Variants in EDIL3 observed in about 807,000 individuals in gnomAD.
The protein encoded by EDIL3 is EGF like and discoidin domains 3, also known as EGF-like repeat and discoidin I-like domain-containing protein 3.
Under a neutral mutation model 67.4 loss-of-function variants are expected in EDIL3, and 37 were observed. That is an observed-to-expected ratio of 0.55 (90% confidence interval 0.42 to 0.72). The LOEUF (loss-of-function observed/expected upper bound fraction) is 0.72, where lower values mean the gene tolerates loss of function less well. Among genes scored for constraint, EDIL3 ranks in the 30% least tolerant of loss-of-function variants. The pLI is 0.00. For synonymous variants in EDIL3, 195 were observed against 196.3 expected (o/e 0.99, Z 0.05); for missense variants, 527 against 586.3 (o/e 0.90, Z 1.04).
At chr5:84,350,553 C>T (rs997587811) in intron 1 of EDIL3, among the ~76,000 whole-genome samples, 4 of 151,726 alleles carry the variant, frequency 2.6e-5, no homozygotes, top group African/African-American at 4.8e-5. Context: ...TTTGATGATC[C>T]ACAGAGATGA....
intron 3 of EDIL3, among the ~76,000 whole-genome samples, chr5:84,217,721 A>ACACACAC (rs1744257318): frequency 8.1e-5 from 11 of 135,014 alleles, no homozygotes; most frequent in South Asian, 2.5e-4. Context: ...TATACACACA[A>ACACACAC]ACACACACAC....
At position 84,118,667 on chromosome 5, in the gene EDIL3, C is replaced by T. The variant is rs115453011; in HGVS notation, c.470-11837G>A. Among the ~76,000 whole-genome samples, 1,275 of 152,202 alleles carry T rather than the reference C, an allele frequency of 8.4e-3. 11 individuals are homozygous for T. Among genetic ancestry groups the T allele is most frequent in the African/African-American group, 0.019 (781 of 41,526 alleles). Reference sequence around the variant, plus strand: ...CTTCATGGAAGCATTTCAGTTGTGACGCCAGAAAGTTTAGAGTTGGAATTT... The same window carrying T: ...CTTCATGGAAGCATTTCAGTTGTGATGCCAGAAAGTTTAGAGTTGGAATTT... On this transcript the variant is annotated intron_variant, in intron 5 of 10. Coordinates refer to ENST00000296591, the MANE Select transcript of EDIL3 (RefSeq NM_005711.5).
intron 2 of EDIL3, among the ~76,000 whole-genome samples, chr5:84,234,311 T>C (rs567814406): frequency 6.6e-6 from 1 of 152,302 alleles, no homozygotes; most frequent in African/African-American, 2.4e-5. Flanking sequence ...CATGTTCCCA[T>C]GTTCCTGAAG....
chr5:84,355,997 G>A (rs1408295748), intron 1 of EDIL3, among the ~76,000 whole-genome samples: 1 of 149,756 alleles, frequency 6.7e-6, no homozygotes, highest in East Asian at 2.0e-4. Context: ...TGAATATATG[G>A]ATCTCTATTT....
rs552291379 is a variant in EDIL3, at chr5:84,285,255, T to G, written c.68-31043A>C. On this transcript the variant is annotated intron_variant, in intron 1 of 10. Coordinates refer to ENST00000296591, the MANE Select transcript of EDIL3 (RefSeq NM_005711.5). ...TTACTGATAAAATGCTATCATTAAT[T>G]AAGTAAAGTACATTTAAATTTTCTA... 9.8e-5 allele frequency among the ~76,000 whole-genome samples: 15 copies of G among 152,362 alleles called. No individual in the cohort carries two copies. In the South Asian group the frequency reaches 3.1e-3, roughly 32 times the overall value.
chr5:84,142,322 C>A (rs1025083545), intron 4 of EDIL3, among the ~76,000 whole-genome samples: 1 of 151,886 alleles, frequency 6.6e-6, no homozygotes, highest in East Asian at 1.9e-4. Flanking sequence ...TTACAGATTC[C>A]GCTAGTTGGC....
chr5:84,104,164 T>C (rs1407771675), intron 6 of EDIL3, among the ~76,000 whole-genome samples: 1 of 151,816 alleles, frequency 6.6e-6, no homozygotes, highest in African/African-American at 2.4e-5. Context: ...CCACTTACAG[T>C]GGGTGCTAAA....
At chr5:84,014,627 G>C (rs977893811) in intron 9 of EDIL3, among the ~76,000 whole-genome samples, 6 of 152,202 alleles carry the variant, frequency 3.9e-5, no homozygotes, top group South Asian at 2.1e-4. Context: ...CCTGGAGACA[G>C]AGCGAGACTC....
intron 1 of EDIL3, among the ~76,000 whole-genome samples, chr5:84,347,370 G>A (rs1277516450): frequency 1.3e-5 from 2 of 152,154 alleles, no homozygotes; most frequent in African/African-American, 2.4e-5. Context: ...GGAAAGAAAT[G>A]CTATGGTCCA....
At chr5:84,320,037 A>G (rs1016332416) in intron 1 of EDIL3, among the ~76,000 whole-genome samples, 7 of 152,118 alleles carry the variant, frequency 4.6e-5, no homozygotes, top group South Asian at 4.1e-4. Context: ...GCATTAGGAG[A>G]AATACCTAAT....
At chr5:84,265,431 T>A (rs922928743) in intron 1 of EDIL3, among the ~76,000 whole-genome samples, 2 of 152,212 alleles carry the variant, frequency 1.3e-5, no homozygotes, top group Non-Finnish European at 2.9e-5. Flanking sequence ...AAAGTGGTAC[T>A]CTTTCAACTG....
At chr5:84,378,737 T>A (rs1014926177) in intron 1 of EDIL3, among the ~76,000 whole-genome samples, 2 of 152,208 alleles carry the variant, frequency 1.3e-5, no homozygotes, top group African/African-American at 2.4e-5. Flanking sequence ...TATAAATTAC[T>A]GTATACTTGA....
intron 1 of EDIL3, among the ~76,000 whole-genome samples, chr5:84,344,430 T>G (rs899164264): frequency 1.3e-5 from 2 of 152,022 alleles, no homozygotes; most frequent in African/African-American, 4.8e-5. Flanking sequence ...TTTTTAAACT[T>G]TTAATTAATT....
At chr5:84,273,439 C>G (rs1031709033) in intron 1 of EDIL3, among the ~76,000 whole-genome samples, 6 of 152,284 alleles carry the variant, frequency 3.9e-5, no homozygotes, top group Non-Finnish European at 8.8e-5. Flanking sequence ...GTCCCTTAAT[C>G]TCTTCATGTT....
intron 4 of EDIL3, among the ~76,000 whole-genome samples, chr5:84,153,896 T>G (rs1265402855): frequency 2.0e-5 from 3 of 152,170 alleles, no homozygotes; most frequent in Non-Finnish European, 4.4e-5. Flanking sequence ...ACGATACTCA[T>G]GTATTTATTT....
chr5:84,087,296 C>T (rs1289747932), intron 6 of EDIL3, among the ~76,000 whole-genome samples: 1 of 152,136 alleles, frequency 6.6e-6, no homozygotes, highest in African/African-American at 2.4e-5. Context: ...TTTTTGTTGA[C>T]TCTTTGTATA....
intron 4 of EDIL3, among the ~76,000 whole-genome samples, chr5:84,152,792 C>G (rs1748420743): frequency 6.6e-6 from 1 of 152,032 alleles, no homozygotes; most frequent in African/African-American, 2.4e-5. Context: ...AATATCTTCC[C>G]AAACTATAAT....
chr5:84,027,359 T>A lies in EDIL3; in HGVS notation c.1137+32941A>T, dbSNP rs114721968. Among the ~76,000 whole-genome samples the A allele has an allele frequency of 3.8e-3, 581 of 152,216 alleles. 5 individuals are homozygous for A. Among genetic ancestry groups the A allele is most frequent in the African/African-American group, 0.013 (558 of 41,562 alleles). Reference sequence around the variant, plus strand: ...ATCACAAGTGTTCAAAACATTTGAGTTGCAGAGAGAGATTACAAACACAGC... The same window carrying A: ...ATCACAAGTGTTCAAAACATTTGAGATGCAGAGAGAGATTACAAACACAGC... On this transcript the variant is annotated intron_variant, in intron 9 of 10. Transcript: ENST00000296591.
chr5:83,954,882 T>C (rs1210169674), intron 10 of EDIL3, among the ~76,000 whole-genome samples: 1 of 151,848 alleles, frequency 6.6e-6, no homozygotes, highest in Non-Finnish European at 1.5e-5. Flanking sequence ...TAACATCTCC[T>C]GCTTTCATCA....
Sources: allele counts gnomAD v4.1 joint callset (sites outside exome capture counted in the v4.1 genomes callset), GRCh38; gene constraint gnomAD v4.1.1; transcripts MANE v1.5; gene names NCBI Gene and HGNC (gene_info 2026-07-23, HGNC 2026-07-21).